The following MYOM3 variants were observed in gnomAD, a reference collection of about 807,000 sequenced individuals.
MYOM3 encodes myomesin 3.
A neutral mutation model predicts 191.7 loss-of-function variants in MYOM3; 155 were observed. The observed-to-expected ratio is 0.81, with a 90% CI of 0.71 to 0.92. The LOEUF (loss-of-function observed/expected upper bound fraction) is 0.92, where lower values mean the gene tolerates loss of function less well. MYOM3 is among the 40% of genes least tolerant of loss of function. The pLI, the probability that MYOM3 is intolerant of heterozygous loss-of-function variation, is 0.00. For missense variants in MYOM3, 1,889 were observed against 1,890.6 expected (o/e 1.00, Z 0.02); for synonymous variants, 757 against 762.9 (o/e 0.99, Z 0.13).
chr1:24,076,360 A>T, intron 20 of MYOM3, 87 bp from the exon 21 acceptor site: 1 of 910,576 alleles, frequency 1.1e-6, no homozygotes, highest in Non-Finnish European at 1.8e-6. Flanking sequence ...GCCACTCTCA[A>T]TAAGAAAACC....
At chr1:24,089,467 A>G in intron 14 of MYOM3, 71 bp downstream of exon 14, 1 of 1,498,696 alleles carries the variant, frequency 6.7e-7, no homozygotes, top group Non-Finnish European at 8.9e-7. Flanking sequence ...TCCCCAGGGG[A>G]CACTGCCCAG....
At position 24,107,222 on chromosome 1, in the gene MYOM3, G is replaced by A; in HGVS notation, c.253C>T (p.Leu85=). ...ASSELSWEAQ[L]RRQTSAVELE... ...TCCACGGCAGAGGTCTGGCGTCTCA[G>A]CTGGGCTTCCCTGCCGTGACAGAGG... Residue 85 remains leucine (L), a synonymous_variant, in exon 4 of 37, where the codon CTG becomes TTG. Coordinates refer to ENST00000374434, the MANE Select transcript of MYOM3 (RefSeq NM_152372.4). 1.3e-6 allele frequency: 2 copies of A among 1,596,666 alleles called. No individual in the cohort carries two copies. The highest frequency in any genetic ancestry group is 1.7e-5 in the Admixed American group (1 of 58,010).
At chr1:24,061,636 G>C (rs975322332) in intron 33 of MYOM3, among the ~76,000 whole-genome samples, 16 of 152,136 alleles carry the variant, frequency 1.1e-4, no homozygotes, top group African/African-American at 3.9e-4. Flanking sequence ...CTAGAGTACA[G>C]TGGTGTGATC....
intron 29 of MYOM3, chr1:24,064,423 C>T (rs907085509): frequency 4.3e-6 from 2 of 462,776 alleles, no homozygotes; most frequent in Non-Finnish European, 7.8e-6. Context: ...GAGGACAGAA[C>T]CAGACACCTT....
At chr1:24,072,057 A>C in intron 23 of MYOM3, 44 bp from the exon 24 acceptor site, 3 of 1,589,688 alleles carry the variant, frequency 1.9e-6, no homozygotes, top group Non-Finnish European at 2.6e-6. Context: ...AGAATGAAAT[A>C]TCCTGGTCGG....
At chr1:24,082,866 C>T (rs2148551917) in intron 16 of MYOM3, 152 bp from the exon 17 acceptor site, 1 of 875,126 alleles carries the variant, frequency 1.1e-6, no homozygotes, top group Admixed American at 3.7e-5. Flanking sequence ...CCCTTGATCC[C>T]ATGGCAATGC....
In MYOM3 at chr1:24,099,706, G is replaced by A. The variant is rs1643898370; in HGVS notation, c.630C>T (p.Tyr210=). ...RAGKYRITNN[Y]GLLSLEIRRC... The stretch of plus-strand genomic sequence containing the variant: ...TCCTAATCTCCAGGGACAGCAGCCC[G>A]TAGTTGTTGGTGATTCGGTATTTTC... The change falls in exon 6 of 37, where the codon TAC becomes TAT. Residue 210 remains tyrosine, a synonymous_variant. Transcript: ENST00000374434. 2 of 1,613,882 alleles carry A rather than the reference G, an allele frequency of 1.2e-6. No homozygotes were observed. Among genetic ancestry groups the A allele is most frequent in the Non-Finnish European group, 1.7e-6 (2 of 1,179,852 alleles).
chr1:24,071,699 G>A lies in MYOM3; in HGVS notation c.3013+270C>T, dbSNP rs142984847. Among the ~76,000 whole-genome samples, 294 of 152,322 alleles carry A rather than the reference G, an allele frequency of 1.9e-3. 11 individuals carry two copies. The South Asian group carries it at 0.055, about 29-fold the overall frequency. On this transcript the variant is annotated intron_variant, in intron 24 of 36. Coordinates refer to ENST00000374434, the MANE Select transcript of MYOM3 (RefSeq NM_152372.4). ...AATGGAGAGAAGCAGAGGTTTAGAC[G>A]ATCCCAAATCCTAATGACTAAAGAG...
In MYOM3 at chr1:24,107,354, G is replaced by T. The variant is rs1643993139; in HGVS notation, c.243-122C>A. On this transcript the variant is annotated intron_variant, in intron 3 of 36. Coordinates refer to ENST00000374434, the MANE Select transcript of MYOM3 (RefSeq NM_152372.4). Reference sequence around the variant, plus strand: ...CTTTAAACTTTTGGAGGACATGCATGATTTTGCATCTTCCCTTGCCTCCAA... The same window carrying T: ...CTTTAAACTTTTGGAGGACATGCATTATTTTGCATCTTCCCTTGCCTCCAA... 12 of 873,854 alleles carry T rather than the reference G, an allele frequency of 1.4e-5. No individual in the cohort carries two copies. In the South Asian group the frequency reaches 1.7e-4, roughly 12 times the overall value. The allele number at this position is 873,854 out of a possible 1,614,324, so 54.1% of individuals were successfully genotyped here. A position where few individuals can be genotyped will look rare whatever the true frequency, so the allele number is the denominator to read the frequency against.
At chr1:24,067,266 TTC>T (rs1643448901) in intron 27 of MYOM3, among the ~76,000 whole-genome samples, 178 bp from the exon 28 acceptor site, 2 of 146,784 alleles carry the variant, frequency 1.4e-5, no homozygotes, top group South Asian at 4.5e-4. Flanking sequence ...GCAAATTTCT[TTC>T]TTTCTTTCTT....
Position 24,068,352 on chromosome 1 carries a change from A to G in MYOM3, c.3166T>C (p.Phe1056Leu). The change falls in exon 26 of 37, where the codon TTT becomes CTT. Residue 1056 changes from phenylalanine (F) to leucine (L), a missense_variant. Coordinates refer to ENST00000374434, the MANE Select transcript of MYOM3 (RefSeq NM_152372.4). ...TCCACCAGGCCCTTCTCTCGGTCAA[A>G]ATTGATTTTGCGGTTCTGAAAAGGA... is the stretch of plus-strand genomic sequence containing the variant. ...IFSSPNRKIN[F>L]DREKGLVEVI... 1.2e-6 allele frequency: 2 copies of G among 1,614,024 alleles called. No homozygotes were observed. The highest frequency in any genetic ancestry group is 1.7e-6 in the Non-Finnish European group (2 of 1,179,980).
intron 15 of MYOM3, among the ~76,000 whole-genome samples, chr1:24,085,169 C>T (rs1379304537): frequency 8.3e-6 from 1 of 120,946 alleles, no homozygotes; most frequent in Admixed American, 8.1e-5. Flanking sequence ...CAGGTGGATA[C>T]ATGGATGAAT....
chr1:24,072,763 GA>G (rs1043825691), intron 23 of MYOM3, among the ~76,000 whole-genome samples: 2 of 152,180 alleles, frequency 1.3e-5, no homozygotes, highest in African/African-American at 4.8e-5. Flanking sequence ...TTGAACTCCT[GA>G]CTTCAGGTGA....
intron 15 of MYOM3, among the ~76,000 whole-genome samples, chr1:24,085,906 A>T (rs1224357267): frequency 1.3e-5 from 2 of 152,184 alleles, no homozygotes; most frequent in Non-Finnish European, 1.5e-5. Context: ...GAACTTTGAA[A>T]TCTTCCCCAA....
intron 18 of MYOM3, 150 bp from the exon 19 acceptor site, chr1:24,081,606 A>C: frequency 1.1e-6 from 1 of 918,610 alleles, no homozygotes; most frequent in Non-Finnish European, 1.6e-6. Flanking sequence ...TTTGTCACCC[A>C]GGCTGGAGTG....
At chr1:24,099,276 A>C (rs905570834) in intron 6 of MYOM3, among the ~76,000 whole-genome samples, 9 of 152,210 alleles carry the variant, frequency 5.9e-5, no homozygotes, top group African/African-American at 2.2e-4. Context: ...GTGTATGTGC[A>C]TGTATGCATA....
At chr1:24,085,514 G>A (rs996765365) in intron 15 of MYOM3, among the ~76,000 whole-genome samples, 4 of 152,132 alleles carry the variant, frequency 2.6e-5, no homozygotes, top group South Asian at 2.1e-4. Flanking sequence ...GCCCCCAAAC[G>A]TTGGACTCAT....
Position 24,097,917 on chromosome 1 carries a change from A to T in MYOM3, c.745+6T>A. The T allele has an allele frequency of 6.2e-7, 1 of 1,604,266 alleles. No individual in the cohort carries two copies. The highest frequency in any genetic ancestry group is 8.5e-7 in the Non-Finnish European group (1 of 1,171,144). On this transcript the variant is annotated splice_donor_region_variant and intron_variant, in intron 7 of 36. Transcript: ENST00000374434. The stretch of plus-strand genomic sequence containing the variant: ...CGGAGTGCCTGTTGGGGTTGGGAGG[A>T]CTTACTGCGGACGAGGACTTTGGCG...
rs1445241427 is a variant in MYOM3, at chr1:24,058,909, G to A, written c.4050+15C>T. On this transcript the variant is annotated intron_variant, in intron 36 of 36. Coordinates refer to ENST00000374434, the MANE Select transcript of MYOM3 (RefSeq NM_152372.4). ...AGAGGGGGACTGCTGGCTGTGGGCT[G>A]GGAAGGGTCAGTACCTTATCTTCCA... 1 of 1,596,634 alleles carries A rather than the reference G, an allele frequency of 6.3e-7. No homozygotes were observed. Among genetic ancestry groups the A allele is most frequent in the Admixed American group, 1.7e-5 (1 of 58,850 alleles).
Sources: gnomAD v4.1 joint callset for allele counts (sites outside exome capture counted in the v4.1 genomes callset) on GRCh38, gnomAD v4.1.1 for gene constraint, MANE v1.5 for transcripts, NCBI Gene and HGNC (gene_info 2026-07-23, HGNC 2026-07-21) for gene names.